The following UBAP2L variants were observed in gnomAD, a reference collection of about 807,000 sequenced individuals.
The protein encoded by UBAP2L is ubiquitin-associated protein 2-like.
A neutral mutation model predicts 130.6 loss-of-function variants in UBAP2L; 12 were observed. That is an observed-to-expected ratio of 0.09 (90% CI 0.06 to 0.15). The LOEUF is 0.15. Ranked by LOEUF, UBAP2L falls within the 10% of genes least tolerant of loss-of-function variation. The pLI is 1.00. For missense variants in UBAP2L, 965 were observed against 1,332.5 expected (o/e 0.72, Z 4.29); for synonymous variants, 503 against 524.7 (o/e 0.96, Z 0.57).
intron 21 of UBAP2L, among the ~76,000 whole-genome samples, chr1:154,259,467 T>G (rs1194602): frequency 6.6e-6 from 1 of 151,794 alleles, no homozygotes; most frequent in Non-Finnish European, 1.5e-5. Context: ...GCTGAGCTTA[T>G]AGGCATGAGC....
At chr1:154,249,922 G>A (rs1486364434) in intron 12 of UBAP2L, among the ~76,000 whole-genome samples, 1 of 149,748 alleles carries the variant, frequency 6.7e-6, no homozygotes, top group African/African-American at 2.5e-5. Context: ...GTCTTCTGTT[G>A]ATTGGGGTTT....
chr1:154,234,775 T>C lies in UBAP2L; in HGVS notation c.448+16T>C. The C allele has an allele frequency of 6.4e-7, 1 of 1,570,784 alleles. No individual in the cohort carries two copies. ...GGACGAGAGTGTATGCATGGGGCTT[T>C]ATCAAAACCAGCTGTGGGTCAGTAA... On this transcript the variant is annotated intron_variant, in intron 5 of 26. Coordinates refer to ENST00000428931, the MANE Select transcript of UBAP2L (RefSeq NM_014847.4).
chr1:154,244,766 C>T (rs889003525), intron 10 of UBAP2L, among the ~76,000 whole-genome samples: 2 of 152,136 alleles, frequency 1.3e-5, no homozygotes, highest in African/African-American at 4.8e-5. Flanking sequence ...CCTCCTTGTC[C>T]TCTGCAGGTA....
At chr1:154,226,295 G>A (rs1416872600) in intron 2 of UBAP2L, among the ~76,000 whole-genome samples, 1 of 152,188 alleles carries the variant, frequency 6.6e-6, no homozygotes, top group Non-Finnish European at 1.5e-5. Flanking sequence ...ACACCTTAGA[G>A]CATTGCTCAA....
In UBAP2L at chr1:154,270,726, T is replaced by G; in HGVS notation, c.*431T>G. 1.4e-6 allele frequency: 2 copies of G among 1,413,576 alleles called. No individual in the cohort carries two copies. The highest frequency in any genetic ancestry group is 1.8e-6 in the Non-Finnish European group (2 of 1,090,816). 87.6% of individuals were successfully genotyped at this position (1,413,576 alleles called of 1,614,324 possible). A position where few individuals can be genotyped will look rare whatever the true frequency, so the allele number is the denominator to read the frequency against. ...AAACAAAAAAATGGCGTCATGAATA[T>G]GAACAGCATTGTCAGATGAATTAGT... On this transcript the variant is annotated 3_prime_UTR_variant, in exon 27 of 27. Coordinates refer to ENST00000428931, the MANE Select transcript of UBAP2L (RefSeq NM_014847.4).
At chr1:154,258,875 G>A in intron 20 of UBAP2L, 102 bp from the exon 21 acceptor site, 1 of 938,350 alleles carries the variant, frequency 1.1e-6, no homozygotes, top group Non-Finnish European at 1.7e-6. Context: ...TTCTAACCCA[G>A]AATGAGGATG....
chr1:154,238,276 C>T (rs1309581622), intron 8 of UBAP2L, among the ~76,000 whole-genome samples: 1 of 152,208 alleles, frequency 6.6e-6, no homozygotes, highest in Non-Finnish European at 1.5e-5. Context: ...TGAATTTCTG[C>T]ATCATTTAGT....
At chr1:154,244,983 G>T (rs1377527059) in intron 10 of UBAP2L, among the ~76,000 whole-genome samples, 1 of 152,062 alleles carries the variant, frequency 6.6e-6, no homozygotes, top group Non-Finnish European at 1.5e-5. Flanking sequence ...CCAGGCTGGA[G>T]GGCAGTGGCA....
At chr1:154,227,447 C>G (rs956100292) in intron 3 of UBAP2L, 88 bp downstream of exon 3, 1 of 1,189,486 alleles carries the variant, frequency 8.4e-7, no homozygotes, top group Non-Finnish European at 1.2e-6. Context: ...TGCCAGGATA[C>G]TTTCTACTAT....
At chr1:154,235,620 C>T (rs1030555994) in intron 6 of UBAP2L, among the ~76,000 whole-genome samples, 3 of 152,200 alleles carry the variant, frequency 2.0e-5, no homozygotes, top group Non-Finnish European at 4.4e-5. Context: ...AGCGATTCTT[C>T]TGCCTCAGTC....
intron 1 of UBAP2L, among the ~76,000 whole-genome samples, chr1:154,221,818 A>G (rs1056563619): frequency 2.6e-5 from 4 of 152,164 alleles, no homozygotes; most frequent in Admixed American, 2.0e-4. Context: ...ACCCCAAACA[A>G]TTGTGTTATT....
intron 11 of UBAP2L, among the ~76,000 whole-genome samples, chr1:154,246,886 C>T (rs1675701384): frequency 6.6e-6 from 1 of 152,188 alleles, no homozygotes; most frequent in Admixed American, 6.5e-5. Flanking sequence ...AAGTGCTAGT[C>T]CTTCCCATCT....
At chr1:154,253,607 C>G (rs988467397) in intron 14 of UBAP2L, among the ~76,000 whole-genome samples, 4 of 150,378 alleles carry the variant, frequency 2.7e-5, no homozygotes, top group African/African-American at 9.8e-5. Context: ...CTCCTGACCT[C>G]GTGATCCGCC....
intron 4 of UBAP2L, among the ~76,000 whole-genome samples, chr1:154,230,145 TAC>T (rs1479385765): frequency 6.6e-6 from 1 of 152,188 alleles, no homozygotes. Flanking sequence ...TAGCTGGGAC[TAC>T]AGGCATGCAC....
At chr1:154,224,942 T>A (rs1667453081) in intron 1 of UBAP2L, 142 bp from the exon 2 acceptor site, 3 of 569,596 alleles carry the variant, frequency 5.3e-6, no homozygotes, top group Non-Finnish European at 9.3e-6. Flanking sequence ...TTTATCAAGC[T>A]AATTATGTTG....
At chr1:154,231,526 C>T (rs1207594598) in intron 4 of UBAP2L, among the ~76,000 whole-genome samples, 4 of 152,092 alleles carry the variant, frequency 2.6e-5, no homozygotes, top group African/African-American at 9.7e-5. Context: ...GTCTCTAACT[C>T]CTGGCCTCAA....
intron 21 of UBAP2L, chr1:154,259,703 G>C: frequency 1.6e-6 from 1 of 624,890 alleles, no homozygotes; most frequent in Non-Finnish European, 2.9e-6. Flanking sequence ...ATTGGTCCTC[G>C]TGGACTTTGA....
intron 14 of UBAP2L, among the ~76,000 whole-genome samples, chr1:154,252,483 G>A (rs1229741359): frequency 7.3e-5 from 11 of 151,440 alleles, no homozygotes; most frequent in African/African-American, 2.7e-4. Flanking sequence ...GTTTCACCAT[G>A]TTGGCCAGGC....
rs1301817612 is a variant in UBAP2L at position 154,231,295 on chromosome 1, TTTTTTTTC to T, written c.279+2577_279+2584del. Among the ~76,000 whole-genome samples the T allele has an allele frequency of 3.3e-4, 50 of 151,556 alleles. 1 individual carries two copies. In the East Asian group the frequency reaches 8.2e-3, roughly 25 times the overall value. On this transcript the variant is annotated intron_variant, in intron 4 of 26. Coordinates refer to ENST00000428931, the MANE Select transcript of UBAP2L (RefSeq NM_014847.4). The stretch of plus-strand genomic sequence containing the variant: ...GTGCGCCACCACACTTGGCTTTTTT[TTTTTTTTC>T]TTTTTTCTTTTTTTTGAGATGGAGT...
Sources: gnomAD v4.1 joint callset for allele counts (sites outside exome capture counted in the v4.1 genomes callset) on GRCh38, gnomAD v4.1.1 for gene constraint, MANE v1.5 for transcripts, NCBI Gene and HGNC (gene_info 2026-07-23, HGNC 2026-07-21) for gene names.